IQCK: variants seen among roughly 807,000 people sequenced by gnomAD.
IQCK encodes IQ motif containing K.
IQCK carries 29 observed loss-of-function variants against 28.1 expected under a neutral mutation model. That is an observed-to-expected ratio of 1.03 (90% CI 0.77 to 1.41). IQCK has a LOEUF of 1.41. IQCK is among the 40% of genes most tolerant of loss of function. IQCK has a pLI of 0.00. For synonymous variants in IQCK, 113 were observed against 115.1 expected, an observed-to-expected ratio of 0.98 and a Z score of 0.12; for missense variants, 359 against 314.7, an observed-to-expected ratio of 1.14 and a Z score of -1.07.
intron 1 of IQCK, among the ~76,000 whole-genome samples, chr16:19,720,487 A>G (rs771504432): frequency 3.2e-4 from 48 of 152,356 alleles, no homozygotes; most frequent in South Asian, 6.2e-4. Context: ...CCTACCTCAC[A>G]GGGCTGTTGT....
chr16:19,807,541 G>A (rs2055849395), intron 7 of IQCK, among the ~76,000 whole-genome samples: 1 of 152,162 alleles, frequency 6.6e-6, no homozygotes, highest in Admixed American at 6.5e-5. Flanking sequence ...GCATCTGGTT[G>A]GCATGCAGAA....
chr16:19,849,132 G>T lies in IQCK; in HGVS notation c.803-7355G>T, dbSNP rs185805987. Among the ~76,000 whole-genome samples, 290 of 151,904 alleles carry T rather than the reference G, an allele frequency of 1.9e-3. 1 individual carries two copies. The highest frequency in any genetic ancestry group is 3.3e-3 in the Non-Finnish European group (224 of 67,954). ...ATTACCCTGAGGGTCTTTTTCTTTT[G>T]TCTGGTATATTTTCTGGTGATTCTT... On this transcript the variant is annotated intron_variant, in intron 9 of 9. Transcript: ENST00000320394.
In IQCK at chr16:19,813,461, T is replaced by C. The variant is rs189096266; in HGVS notation, c.691-13565T>C. On this transcript the variant is annotated intron_variant, in intron 7 of 7. Coordinates refer to ENST00000564186, the Ensembl canonical transcript of IQCK. ...CCTACAAAGGAAAGCAATGAGATGA[T>C]TATAGACTTCCAATCAGCAGCAGTA... Among the ~76,000 whole-genome samples the C allele has an allele frequency of 7.9e-5, 12 of 152,224 alleles. No individual in the cohort carries two copies. The East Asian group carries it at 2.1e-3, about 27-fold the overall frequency.
intron 9 of IQCK, among the ~76,000 whole-genome samples, chr16:19,855,339 C>G (rs1319093280): frequency 6.6e-6 from 1 of 152,180 alleles, no homozygotes; most frequent in Non-Finnish European, 1.5e-5. Context: ...CACCTGTAAC[C>G]CCAGCACTTT....
intron 2 of IQCK, among the ~76,000 whole-genome samples, chr16:19,731,142 A>G (rs187339787): frequency 6.1e-4 from 93 of 152,324 alleles, no homozygotes; most frequent in African/African-American, 2.2e-3. Context: ...CACCATGTCC[A>G]TGTGAGGGAC....
intron 1 of IQCK, among the ~76,000 whole-genome samples, chr16:19,723,857 G>A (rs768598655): frequency 6.6e-5 from 10 of 152,084 alleles, no homozygotes; most frequent in Non-Finnish European, 1.3e-4. Context: ...CTACTCAGGA[G>A]GCTGAGGCAG....
At chr16:19,760,730 C>T (rs1335377815) in intron 4 of IQCK, among the ~76,000 whole-genome samples, 2 of 152,066 alleles carry the variant, frequency 1.3e-5, no homozygotes, top group African/African-American at 2.4e-5. Context: ...GTTCTTGGAT[C>T]TTGTGCAAGA....
At chr16:19,779,103 C>T (rs1181467384) in intron 6 of IQCK, among the ~76,000 whole-genome samples, 2 of 152,178 alleles carry the variant, frequency 1.3e-5, no homozygotes, top group Non-Finnish European at 2.9e-5. Context: ...CCACTTCAGC[C>T]TCCCAAAGTG....
At chr16:19,778,558 G>A (rs886828299) in intron 6 of IQCK, among the ~76,000 whole-genome samples, 1 of 152,040 alleles carries the variant, frequency 6.6e-6, no homozygotes, top group African/African-American at 2.4e-5. Context: ...TCCAGAGGCC[G>A]AGGGGAGAGT....
intron 2 of IQCK, among the ~76,000 whole-genome samples, chr16:19,732,616 A>G (rs747710010): frequency 4.6e-5 from 7 of 152,120 alleles, no homozygotes; most frequent in Admixed American, 2.0e-4. Flanking sequence ...GTATGCCACC[A>G]CTGCCAGCTA....
In IQCK at chr16:19,726,103, A is replaced by C. The variant is rs4780824; in HGVS notation, c.182-4327A>C. 2.0e-5 allele frequency among the ~76,000 whole-genome samples: 3 copies of C among 151,630 alleles called. No homozygotes were observed. The East Asian group carries it at 5.8e-4, about 30-fold the overall frequency. ...GCTAAGTTTTGTATTTTTAGTAGAG[A>C]CGGGGTTTCATCGTGTTAGCCACGA... On this transcript the variant is annotated intron_variant, in intron 1 of 7. Coordinates refer to ENST00000564186, the Ensembl canonical transcript of IQCK.
At chr16:19,856,391 C>G in intron 9 of IQCK, 96 bp from the exon 9 acceptor site, 1 of 976,524 alleles carries the variant, frequency 1.0e-6, no homozygotes, top group Non-Finnish European at 1.6e-6. Flanking sequence ...TTTGGTGCAA[C>G]TGACCTTGTC....
chr16:19,828,394 C>T (rs949641527), downstream of IQCK, among the ~76,000 whole-genome samples: 5 of 150,494 alleles, frequency 3.3e-5, no homozygotes, highest in Admixed American at 2.7e-4. Flanking sequence ...CCACCATGCC[C>T]GGCTAATTTT....
At chr16:19,848,584 A>ATTTCTTGAGTACCTTCTT (rs1426860303) in intron 9 of IQCK, among the ~76,000 whole-genome samples, 11 of 152,296 alleles carry the variant, frequency 7.2e-5, no homozygotes, top group African/African-American at 2.6e-4. Context: ...AGGAAACCAC[A>ATTTCTTGAGTACCTTCTT]TTTCTTGAGT....
At chr16:19,841,323 TGTTGC>T in intron 9 of IQCK, among the ~76,000 whole-genome samples, 1 of 152,196 alleles carries the variant, frequency 6.6e-6, no homozygotes, top group South Asian at 2.1e-4. Context: ...TGAGCCCTAC[TGTTGC>T]CACGTGCATT....
At chr16:19,776,079 CTA>C (rs1385375251) in intron 6 of IQCK, among the ~76,000 whole-genome samples, 5 of 151,852 alleles carry the variant, frequency 3.3e-5, no homozygotes, top group Non-Finnish European at 5.9e-5. Flanking sequence ...TGGGGTTTCA[CTA>C]TGTTAGCGAG....
At chr16:19,820,665 AGAT>A in intron 7 of IQCK, among the ~76,000 whole-genome samples, 1 of 151,684 alleles carries the variant, frequency 6.6e-6, no homozygotes, top group South Asian at 2.1e-4. Context: ...AAAAAAAAAA[AGAT>A]AAATTTGATT....
At chr16:19,738,706 A>C (rs186739887) in intron 4 of IQCK, among the ~76,000 whole-genome samples, 8 of 152,300 alleles carry the variant, frequency 5.3e-5, no homozygotes, top group South Asian at 4.1e-4. Flanking sequence ...AACTCAATAC[A>C]TGTTAACTTA....
rs375524132 is a variant in IQCK, at chr16:19,727,592, C to T, written c.182-2838C>T. On this transcript the variant is annotated intron_variant, in intron 1 of 7. Transcript: ENST00000564186. ...ACAGAGCGAGACTTTGTCACCCCCC[C>T]CCCCCAAAAAAAAAGATTTGGTTGG... Among the ~76,000 whole-genome samples, 10 of 150,144 alleles carry T rather than the reference C, an allele frequency of 6.7e-5. No individual in the cohort carries two copies. The South Asian group carries it at 2.1e-3, about 32-fold the overall frequency.
Sources: allele counts gnomAD v4.1 joint callset (sites outside exome capture counted in the v4.1 genomes callset), GRCh38; gene constraint gnomAD v4.1.1; transcripts MANE v1.5; gene names NCBI Gene and HGNC (gene_info 2026-07-23, HGNC 2026-07-21).